Variants in CBLB observed in about 807,000 individuals in gnomAD.
CBLB encodes the protein Cbl proto-oncogene B, also known as E3 ubiquitin-protein ligase CBL-B.
Under a neutral mutation model 104.9 loss-of-function variants are expected in CBLB, and 31 were observed. That is an observed-to-expected ratio of 0.30 (90% CI 0.22 to 0.40). The LOEUF is 0.40. CBLB is among the 10% of genes least tolerant of loss of function. CBLB has a pLI of 1.00. For missense variants in CBLB, 1,062 were observed against 1,214.6 expected (o/e 0.87, Z 1.87); for synonymous variants, 440 against 422.6 (o/e 1.04, Z -0.51).
intron 17 of CBLB, chr3:105,673,432 G>A (rs1324733705): frequency 6.6e-6 from 1 of 152,034 alleles, no homozygotes; most frequent in African/African-American, 2.4e-5. Flanking sequence ...TTTACCAAGT[G>A]TAAAAACAGA....
rs182230517 is a variant in CBLB at position 105,701,292 on chromosome 3, A to G, written c.1959+802T>C. On this transcript the variant is annotated intron_variant, in intron 12 of 18. Transcript: ENST00000394030. Reference sequence around the variant, plus strand: ...TTAGGGGAAAAGAACTTGGGAAAAGAACTTGATTTTTAAGAGTAAACTTGG... The same window carrying G: ...TTAGGGGAAAAGAACTTGGGAAAAGGACTTGATTTTTAAGAGTAAACTTGG... Among the ~76,000 whole-genome samples, 10 of 152,336 alleles carry G rather than the reference A, an allele frequency of 6.6e-5. No homozygotes were observed. The East Asian group carries it at 1.9e-3, about 29-fold the overall frequency.
At chr3:105,762,069 G>T (rs775712721) in intron 4 of CBLB, 22 of 152,358 alleles carry the variant, frequency 1.4e-4, no homozygotes, top group Non-Finnish European at 2.6e-4. Context: ...ATAATTTAGG[G>T]CATCTGGCAG....
chr3:105,804,944 A>G (rs549390422), intron 3 of CBLB, among the ~76,000 whole-genome samples: 1 of 152,282 alleles, frequency 6.6e-6, no homozygotes, highest in Non-Finnish European at 1.5e-5. Context: ...AGTAAGCAAC[A>G]TTATATTTAT....
At chr3:105,670,486 T>C (rs890895905) in intron 17 of CBLB, 134 bp from the exon 18 acceptor site, 1 of 724,140 alleles carries the variant, frequency 1.4e-6, no homozygotes, top group Admixed American at 2.5e-5. Context: ...TGACTGATAT[T>C]AACCATTTTT....
intron 3 of CBLB, among the ~76,000 whole-genome samples, chr3:105,808,896 G>C (rs1016279676): frequency 4.6e-5 from 7 of 152,090 alleles, no homozygotes; most frequent in Admixed American, 4.6e-4. Context: ...AATAAATTAA[G>C]AAAAATTCCT....
intron 10 of CBLB, among the ~76,000 whole-genome samples, chr3:105,704,680 A>G (rs1268828718): frequency 6.6e-6 from 1 of 152,196 alleles, no homozygotes; most frequent in East Asian, 1.9e-4. Flanking sequence ...TGTTTAAAAC[A>G]AACTGATTTA....
chr3:105,698,861 T>C (rs2068732172), intron 12 of CBLB, among the ~76,000 whole-genome samples: 1 of 152,122 alleles, frequency 6.6e-6, no homozygotes, highest in Non-Finnish European at 1.5e-5. Context: ...TTGTTGTATA[T>C]GATCTACATG....
intron 4 of CBLB, among the ~76,000 whole-genome samples, chr3:105,768,774 T>C (rs146418762): frequency 6.6e-6 from 1 of 152,172 alleles, no homozygotes; most frequent in African/African-American, 2.4e-5. Flanking sequence ...GTAATTAACA[T>C]AGATCACGTA....
chr3:105,723,145 A>T (rs2073124243), intron 9 of CBLB, among the ~76,000 whole-genome samples: 1 of 152,186 alleles, frequency 6.6e-6, no homozygotes, highest in Non-Finnish European at 1.5e-5. Context: ...TAGACGTCTA[A>T]CCATAAAGTC....
rs185192108 is a variant in CBLB at position 105,837,457 on chromosome 3, C to A, written c.419+15957G>T. Among the ~76,000 whole-genome samples the A allele has an allele frequency of 4.8e-4, 73 of 152,276 alleles. 1 individual carries two copies. In the East Asian group the frequency reaches 0.014, roughly 29 times the overall value. ...ATATAAGAATAAGAGGAAGTGAAAA[C>A]ACTCATTGGAGCTCAGATACAGAAC... On this transcript the variant is annotated intron_variant, in intron 3 of 18. Transcript: ENST00000394030.
At chr3:105,710,949 C>T (rs2301041) in intron 10 of CBLB, among the ~76,000 whole-genome samples, 32,695 of 151,840 alleles carry the variant, frequency 0.22, 3,651 homozygotes, top group Admixed American at 0.26. Flanking sequence ...GCCCATCTCA[C>T]TATGTTCAGC....
intron 13 of CBLB, among the ~76,000 whole-genome samples, chr3:105,693,082 T>C (rs2067918754): frequency 6.6e-6 from 1 of 151,758 alleles, no homozygotes; most frequent in Non-Finnish European, 1.5e-5. Flanking sequence ...TCAAAAGGAC[T>C]TAGTAGCTGA....
chr3:105,800,346 T>C (rs752403565), intron 3 of CBLB, among the ~76,000 whole-genome samples: 4 of 152,164 alleles, frequency 2.6e-5, no homozygotes, highest in Non-Finnish European at 5.9e-5. Context: ...AGTAGGAGGA[T>C]GCTTCCTAGT....
chr3:105,854,883 G>A (rs369929426), intron 2 of CBLB, among the ~76,000 whole-genome samples: 56 of 151,972 alleles, frequency 3.7e-4, no homozygotes, highest in Middle Eastern at 6.8e-3. Flanking sequence ...CACCCGCCTC[G>A]GCCTCCCAAA....
intron 10 of CBLB, among the ~76,000 whole-genome samples, chr3:105,707,995 G>C (rs9866350): frequency 0.013 from 1,907 of 151,952 alleles, 36 homozygotes; most frequent in African/African-American, 0.044. Flanking sequence ...TAGAGTAACA[G>C]ACTTTTCCCC....
chr3:105,756,918 T>C (rs1354115060), intron 4 of CBLB, among the ~76,000 whole-genome samples: 1 of 152,152 alleles, frequency 6.6e-6, no homozygotes, highest in Non-Finnish European at 1.5e-5. Flanking sequence ...TTTAGCACCA[T>C]CTCCTTGGTG....
intron 9 of CBLB, among the ~76,000 whole-genome samples, chr3:105,726,354 T>G (rs942351631): frequency 6.6e-6 from 1 of 152,240 alleles, no homozygotes; most frequent in African/African-American, 2.4e-5. Context: ...TTTTAAATTA[T>G]ATCAAACAAT....
intron 3 of CBLB, among the ~76,000 whole-genome samples, chr3:105,801,909 AG>A (rs2082921078): frequency 6.6e-6 from 1 of 152,264 alleles, no homozygotes; most frequent in Admixed American, 6.5e-5. Context: ...AAAGATCCAC[AG>A]GATGGTGGGG....
chr3:105,743,483 A>AT (rs2075812020), intron 6 of CBLB, among the ~76,000 whole-genome samples: 6 of 151,142 alleles, frequency 4.0e-5, no homozygotes, highest in Non-Finnish European at 7.4e-5. Context: ...AATTAAAAAA[A>AT]AATATATATA....
Sources: gnomAD v4.1 joint callset for allele counts (sites outside exome capture counted in the v4.1 genomes callset) on GRCh38, gnomAD v4.1.1 for gene constraint, MANE v1.5 for transcripts, NCBI Gene and HGNC (gene_info 2026-07-23, HGNC 2026-07-21) for gene names.